The following TEX9 variants were observed in gnomAD, a reference collection of about 807,000 sequenced individuals.
TEX9 encodes the protein testis expressed 9.
Under a neutral mutation model 59.6 loss-of-function variants are expected in TEX9, and 74 were observed. The ratio of observed to expected loss-of-function variants is 1.24; its 90% CI spans 1.03 to 1.51. The LOEUF (loss-of-function observed/expected upper bound fraction) is 1.51, where lower values mean the gene tolerates loss of function less well. TEX9 is among the 40% of genes most tolerant of loss of function. The pLI is 0.00. For missense variants in TEX9, 522 were observed against 447.8 expected (o/e 1.17, Z -1.49); for synonymous variants, 186 against 152.2 (o/e 1.22, Z -1.64).
the TEX9 span, among the ~76,000 whole-genome samples, chr15:56,459,445 T>G: frequency 2.6e-5 from 4 of 152,218 alleles, no homozygotes; most frequent in Non-Finnish European, 5.9e-5. Context: ...TATGTAGATA[T>G]ATGCCTTCAA....
chr15:56,267,709 C>A (rs1383515886), intron 1 of TEX9, among the ~76,000 whole-genome samples: 2 of 152,090 alleles, frequency 1.3e-5, no homozygotes, highest in African/African-American at 4.8e-5. Context: ...GTACCAGTAC[C>A]ATGCTGTTTT....
chr15:56,334,213 G>T (rs1055083943), intron 1 of TEX9, among the ~76,000 whole-genome samples: 3 of 152,076 alleles, frequency 2.0e-5, no homozygotes, highest in South Asian at 4.2e-4. Flanking sequence ...GCTATCCCAA[G>T]CAAATGAACA....
At chr15:56,305,359 A>T (rs1253439465) in intron 1 of TEX9, among the ~76,000 whole-genome samples, 2 of 152,176 alleles carry the variant, frequency 1.3e-5, no homozygotes, top group African/African-American at 4.8e-5. Context: ...GAGGAATCTC[A>T]TTACCAGACT....
chr15:56,421,915 C>T (rs143671794), intron 10 of TEX9: 13 of 151,340 alleles, frequency 8.6e-5, no homozygotes, highest in South Asian at 2.1e-4. Context: ...TGAGTAGAGC[C>T]GCAATAAACA....
chr15:56,249,895 C>T (rs1245553504), intron 1 of TEX9, among the ~76,000 whole-genome samples: 2 of 152,054 alleles, frequency 1.3e-5, no homozygotes, highest in Non-Finnish European at 2.9e-5. Context: ...ACTCTAACCT[C>T]ATATGGATGC....
chr15:56,327,462 C>G (rs12441143), intron 1 of TEX9, among the ~76,000 whole-genome samples: 6,692 of 152,178 alleles, frequency 0.044, 225 homozygotes, highest in Admixed American at 0.086. Flanking sequence ...AAGTAGAAGC[C>G]TCCACTCATT....
At chr15:56,349,433 T>C (rs1394433848) in intron 1 of TEX9, among the ~76,000 whole-genome samples, 2 of 152,188 alleles carry the variant, frequency 1.3e-5, no homozygotes, top group African/African-American at 4.8e-5. Flanking sequence ...AATTTTGGGA[T>C]TTCCCTCTCT....
chr15:56,422,900 C>A (rs943955007), intron 10 of TEX9, among the ~76,000 whole-genome samples: 1 of 152,068 alleles, frequency 6.6e-6, no homozygotes, highest in African/African-American at 2.4e-5. Flanking sequence ...TAGAATTATA[C>A]CATATTTGTT....
At chr15:56,295,724 A>G (rs2045202627) in intron 1 of TEX9, among the ~76,000 whole-genome samples, 1 of 152,142 alleles carries the variant, frequency 6.6e-6, no homozygotes, top group East Asian at 1.9e-4. Flanking sequence ...GGCTTCTCAT[A>G]TGTCCTAAAG....
chr15:56,369,237 C>T (rs1464885559), intron 2 of TEX9, among the ~76,000 whole-genome samples: 1 of 152,070 alleles, frequency 6.6e-6, no homozygotes, highest in East Asian at 1.9e-4. Flanking sequence ...GATGTCCAGG[C>T]TGGAGTGCAG....
intron 9 of TEX9, chr15:56,397,128 T>TG (rs2142375116): frequency 6.1e-6 from 1 of 163,338 alleles, no homozygotes; most frequent in Non-Finnish European, 1.3e-5. Flanking sequence ...ATACTGATAA[T>TG]GATATGGACA....
At chr15:56,397,273 G>C (rs1267547993) in intron 9 of TEX9, 1 of 155,912 alleles carries the variant, frequency 6.4e-6, no homozygotes, top group Non-Finnish European at 1.4e-5. Flanking sequence ...GTGGAACTTT[G>C]AACTTGAGAG....
intron 1 of TEX9, among the ~76,000 whole-genome samples, chr15:56,269,798 C>T (rs2044481252): frequency 6.6e-6 from 1 of 151,912 alleles, no homozygotes; most frequent in African/African-American, 2.4e-5. Context: ...GGACTACAGG[C>T]GTGCACCACC....
In TEX9 at chr15:56,415,947, T is replaced by A. The variant is rs924811318; in HGVS notation, c.963+3511T>A. Among the ~76,000 whole-genome samples the A allele has an allele frequency of 2.6e-5, 4 of 151,830 alleles. No individual in the cohort carries two copies. In the South Asian group the frequency reaches 8.3e-4, roughly 31 times the overall value. ...ATTCTCATTGTAGAGATCTTGCACC[T>A]CCCTGGTTAGCTGTATTCCTAGGTA... On this transcript the variant is annotated intron_variant, in intron 10 of 12. Coordinates refer to ENST00000352903, the Ensembl canonical transcript of TEX9.
intron 12 of TEX9, among the ~76,000 whole-genome samples, chr15:56,443,061 T>C (rs67347418): frequency 0.31 from 46,505 of 152,054 alleles, 7,997 homozygotes; most frequent in Middle Eastern, 0.49. Context: ...TACTGTATTA[T>C]CATGAATTGC....
chr15:56,448,719 T>C (rs141610839), downstream of TEX9, among the ~76,000 whole-genome samples: 1,065 of 151,916 alleles, frequency 7.0e-3, 4 homozygotes, highest in Non-Finnish European at 0.012. Flanking sequence ...CTTTTTTTGG[T>C]AGAATGATTT....
chr15:56,383,352 G>A (rs563823477), intron 3 of TEX9, among the ~76,000 whole-genome samples: 2 of 152,156 alleles, frequency 1.3e-5, no homozygotes, highest in African/African-American at 4.8e-5. Flanking sequence ...TTAAAACCAG[G>A]TACTGTGTTT....
intron 1 of TEX9, among the ~76,000 whole-genome samples, chr15:56,283,933 A>G (rs2044879245): frequency 6.6e-6 from 1 of 152,214 alleles, no homozygotes; most frequent in Admixed American, 6.5e-5. Context: ...GGAAATGTCT[A>G]ACCTCATAGT....
At chr15:56,431,366 C>CACTT in intron 12 of TEX9, 1 of 1,608,960 alleles carries the variant, frequency 6.2e-7, no homozygotes, top group East Asian at 2.2e-5. Context: ...AGATAAATCT[C>CACTT]ACTTACTTTA....
Sources: allele counts gnomAD v4.1 joint callset (sites outside exome capture counted in the v4.1 genomes callset), GRCh38; gene constraint gnomAD v4.1.1; transcripts MANE v1.5; gene names NCBI Gene and HGNC (gene_info 2026-07-23, HGNC 2026-07-21).